CERS3: variants seen among roughly 807,000 people sequenced by gnomAD.
CERS3 encodes the protein LAG1 homolog, ceramide synthase 3.
A neutral mutation model predicts 50.3 loss-of-function variants in CERS3; 33 were observed. The observed-to-expected ratio is 0.66, with a 90% CI of 0.50 to 0.88. CERS3 has a LOEUF of 0.88. Ranked by LOEUF, CERS3 falls within the 40% of genes least tolerant of loss-of-function variation. The pLI is 0.00. For synonymous variants in CERS3, 176 were observed against 155.2 expected (o/e 1.13, Z -0.99); for missense variants, 470 against 460.3 (o/e 1.02, Z -0.19).
intron 11 of CERS3, among the ~76,000 whole-genome samples, chr15:100,418,578 G>A (rs549244201): frequency 0.013 from 1,921 of 143,608 alleles, 58 homozygotes; most frequent in African/African-American, 0.047. Context: ...GAAATACAGA[G>A]AACGCCACAA....
chr15:100,444,340 G>C (rs2033841568), intron 11 of CERS3, among the ~76,000 whole-genome samples: 1 of 146,608 alleles, frequency 6.8e-6, no homozygotes, highest in African/African-American at 2.5e-5. Context: ...CATTGTTCCT[G>C]GCCCGGACTT....
chr15:100,405,595 G>T (rs1197942441), intron 11 of CERS3, among the ~76,000 whole-genome samples: 4 of 152,164 alleles, frequency 2.6e-5, no homozygotes, highest in Non-Finnish European at 5.9e-5. Flanking sequence ...TTCAAAATAT[G>T]ATCTATTGTA....
intron 11 of CERS3, among the ~76,000 whole-genome samples, chr15:100,420,617 G>C (rs1163605987): frequency 6.6e-6 from 1 of 151,712 alleles, no homozygotes; most frequent in Non-Finnish European, 1.5e-5. Context: ...AAGCCAGGCA[G>C]AGACACAACA....
chr15:100,467,793 A>ATGTATATATATATACGTCTATATATATG (rs2034804574), intron 10 of CERS3, among the ~76,000 whole-genome samples: 1 of 111,920 alleles, frequency 8.9e-6, no homozygotes, highest in Non-Finnish European at 2.0e-5. Flanking sequence ...ACACATATAT[A>ATGTATATATATATACGTCTATATATATG]TGTATATATA....
chr15:100,411,123 T>C lies in CERS3; in HGVS notation c.1000-8258A>G, dbSNP rs181656026. Reference sequence around the variant, plus strand: ...TTTGCATAATGTCCTCAAGTTTCATTCATGTTGTAGCATGTGTCCAAATTT... The same window carrying C: ...TTTGCATAATGTCCTCAAGTTTCATCCATGTTGTAGCATGTGTCCAAATTT... On this transcript the variant is annotated intron_variant, in intron 11 of 11. Transcript: ENST00000679737. Among the ~76,000 whole-genome samples the C allele has an allele frequency of 1.5e-4, 23 of 152,312 alleles. No homozygotes were observed. The East Asian group carries it at 4.2e-3, about 28-fold the overall frequency.
At chr15:100,443,742 C>T (rs1023365985) in intron 11 of CERS3, among the ~76,000 whole-genome samples, 1 of 151,718 alleles carries the variant, frequency 6.6e-6, no homozygotes, top group African/African-American at 2.4e-5. Context: ...CTCATAAAGA[C>T]ACACGTGCTC....
chr15:100,418,891 T>C (rs1476871416), intron 11 of CERS3, among the ~76,000 whole-genome samples: 4 of 151,852 alleles, frequency 2.6e-5, no homozygotes, highest in African/African-American at 7.3e-5. Context: ...TGAGAGATTT[T>C]GTCACCACCA....
intron 1 of CERS3, among the ~76,000 whole-genome samples, chr15:100,536,386 G>A (rs2037075707): frequency 6.6e-6 from 1 of 152,144 alleles, no homozygotes; most frequent in Non-Finnish European, 1.5e-5. Context: ...CTGGGCTCAA[G>A]GGATCCTCCT....
rs1173112636 is a variant in CERS3, at chr15:100,442,533, C to A, written c.999+13360G>T. Among the ~76,000 whole-genome samples the A allele has an allele frequency of 5.3e-5, 8 of 152,188 alleles. No individual in the cohort carries two copies. The East Asian group carries it at 1.5e-3, about 29-fold the overall frequency. Reference sequence around the variant, plus strand: ...GAACTGCAGCGGCCAGGCATTCCTCCAGAACTGCCTCCCCCAGGAGCTTGC... The same window carrying A: ...GAACTGCAGCGGCCAGGCATTCCTCAAGAACTGCCTCCCCCAGGAGCTTGC... On this transcript the variant is annotated intron_variant, in intron 11 of 11. Coordinates refer to ENST00000679737, the MANE Select transcript of CERS3 (RefSeq NM_001378789.1).
At chr15:100,429,943 T>TA (rs1220152913) in intron 11 of CERS3, among the ~76,000 whole-genome samples, 1 of 151,568 alleles carries the variant, frequency 6.6e-6, no homozygotes, top group African/African-American at 2.4e-5. Context: ...GTATTTTTTT[T>TA]TATATATTTA....
chr15:100,536,512 T>A (rs2037078912), intron 1 of CERS3, among the ~76,000 whole-genome samples: 1 of 152,206 alleles, frequency 6.6e-6, no homozygotes. Context: ...CTCGAATTCC[T>A]AAGCTCGAAT....
At chr15:100,423,022 C>T (rs547317100) in intron 11 of CERS3, among the ~76,000 whole-genome samples, 2 of 149,352 alleles carry the variant, frequency 1.3e-5, no homozygotes, top group Non-Finnish European at 3.0e-5. Context: ...ACCAGCATGG[C>T]ACATGTATAC....
intron 10 of CERS3, among the ~76,000 whole-genome samples, chr15:100,460,426 C>T (rs769848123): frequency 2.6e-5 from 4 of 152,148 alleles, no homozygotes; most frequent in Non-Finnish European, 5.9e-5. Context: ...CTGGTACCCA[C>T]ATTTATTTAT....
At chr15:100,499,447 G>A (rs1042221907) in intron 3 of CERS3, among the ~76,000 whole-genome samples, 2 of 152,112 alleles carry the variant, frequency 1.3e-5, no homozygotes, top group Non-Finnish European at 2.9e-5. Context: ...CAAAGTAAAT[G>A]TCAGTTACTT....
At chr15:100,506,721 G>A (rs1199846632) in intron 2 of CERS3, among the ~76,000 whole-genome samples, 1 of 152,190 alleles carries the variant, frequency 6.6e-6, no homozygotes, top group East Asian at 1.9e-4. Flanking sequence ...TACGTGAAAT[G>A]TCCAGAGATA....
intron 7 of CERS3, 127 bp downstream of exon 7, chr15:100,479,301 T>A: frequency 1.6e-6 from 1 of 614,864 alleles, no homozygotes; most frequent in South Asian, 2.5e-5. Flanking sequence ...GAAGCTCAAG[T>A]AGAAAAAGTG....
chr15:100,507,729 T>C (rs780931008), intron 2 of CERS3, among the ~76,000 whole-genome samples: 34 of 152,262 alleles, frequency 2.2e-4, no homozygotes, highest in Non-Finnish European at 4.6e-4. Context: ...TCTGCTGGCA[T>C]TGGCCTGACC....
intron 11 of CERS3, among the ~76,000 whole-genome samples, chr15:100,449,380 G>A (rs1273567855): frequency 1.3e-5 from 2 of 152,148 alleles, no homozygotes; most frequent in Admixed American, 6.5e-5. Flanking sequence ...CTGCCTAGGG[G>A]CCCAAAGGCC....
Position 100,518,064 on chromosome 15 carries a change from C to G in CERS3, c.-2+3603G>C, listed in dbSNP as rs181810498. Reference sequence around the variant, plus strand: ...AGCTGCTCCCTCTGTCAGTGATCACCAGCCCTTGCTAACTACTCACCAAGA... The same window carrying G: ...AGCTGCTCCCTCTGTCAGTGATCACGAGCCCTTGCTAACTACTCACCAAGA... On this transcript the variant is annotated intron_variant, in intron 2 of 11. Transcript: ENST00000679737. Among the ~76,000 whole-genome samples the G allele has an allele frequency of 4.1e-3, 621 of 152,268 alleles. 3 individuals carry two copies. The highest frequency in any genetic ancestry group is 0.014 in the African/African-American group (597 of 41,556).
Sources: gnomAD v4.1 joint callset for allele counts (sites outside exome capture counted in the v4.1 genomes callset) on GRCh38, gnomAD v4.1.1 for gene constraint, MANE v1.5 for transcripts, NCBI Gene and HGNC (gene_info 2026-07-23, HGNC 2026-07-21) for gene names.